LARP7: variants seen among roughly 807,000 people sequenced by gnomAD.
The protein encoded by LARP7 is La ribonucleoprotein 7, transcriptional regulator.
LARP7 carries 52 observed loss-of-function variants against 69.3 expected under a neutral mutation model. The observed-to-expected ratio is 0.75, with a 90% confidence interval of 0.60 to 0.95. LARP7 has a LOEUF of 0.95. Among genes scored for constraint, LARP7 ranks in the 40% least tolerant of loss-of-function variants. LARP7 has a pLI of 0.00. For synonymous variants in LARP7, 254 were observed against 215.9 expected (o/e 1.18, Z -1.55); for missense variants, 733 against 673.0 (o/e 1.09, Z -0.99).
intron 10 of LARP7, 75 bp downstream of exon 10, chr4:112,650,657 A>G: frequency 9.8e-6 from 14 of 1,430,354 alleles, no homozygotes; most frequent in Non-Finnish European, 1.3e-5. Flanking sequence ...TGTTTTGAAT[A>G]TGGAAGATAA....
chr4:112,644,942 A>AC lies in LARP7; in HGVS notation c.202+71_202+72insC, dbSNP rs1454408813. The AC allele has an allele frequency of 2.1e-5, 5 of 235,876 alleles. No homozygotes were observed. In the East Asian group the frequency reaches 4.2e-4, roughly 20 times the overall value. The allele number at this position is 235,876 out of a possible 1,614,324, so 14.6% of individuals were successfully genotyped here. ...TTTAAATTTACTTATAAAATAATATATTCTTTTTTTTTTTTTTTTTTTGAG... is the reference window on the plus strand; with the variant it reads ...TTTAAATTTACTTATAAAATAATATACTTCTTTTTTTTTTTTTTTTTTTGAG... On this transcript the variant is annotated intron_variant, in intron 2 of 12. Coordinates refer to ENST00000344442, the MANE Select transcript of LARP7 (RefSeq NM_016648.4).
In LARP7 at chr4:112,657,343, A is replaced by G. The variant is rs199719817; in HGVS notation, c.*16A>G. On this transcript the variant is annotated 3_prime_UTR_variant, in exon 13 of 13. Coordinates refer to ENST00000344442, the MANE Select transcript of LARP7 (RefSeq NM_016648.4). The stretch of plus-strand genomic sequence containing the variant: ...ATATGATTGAAAAAAAAAACAGTTC[A>G]CCTCTTAATACTTCACAAGATACTT... 9.8e-5 allele frequency: 132 copies of G among 1,344,068 alleles called. 1 individual carries two copies. The East Asian group carries it at 1.4e-3, about 15-fold the overall frequency. 83.3% of individuals were successfully genotyped at this position (1,344,068 alleles called of 1,614,324 possible). A position where few individuals can be genotyped will look rare whatever the true frequency, so the allele number is the denominator to read the frequency against.
At chr4:112,643,543 G>A (rs971883494) in intron 1 of LARP7, among the ~76,000 whole-genome samples, 8 of 152,130 alleles carry the variant, frequency 5.3e-5, no homozygotes. Context: ...GGATGAGAAG[G>A]CCACTTGAAA....
At chr4:112,640,349 G>A (rs143395749) in intron 1 of LARP7, among the ~76,000 whole-genome samples, 45 of 152,306 alleles carry the variant, frequency 3.0e-4, no homozygotes, top group Middle Eastern at 6.8e-3. Context: ...AGGTACTGAT[G>A]AAGTTAAAGT....
chr4:112,639,396 C>A (rs745477201), intron 1 of LARP7, among the ~76,000 whole-genome samples: 1 of 151,534 alleles, frequency 6.6e-6, no homozygotes, highest in Middle Eastern at 3.4e-3. Flanking sequence ...TTTCTTTTTT[C>A]TTTTTTTGTA....
At position 112,646,361 on chromosome 4, in the gene LARP7, A is replaced by G; in HGVS notation, c.213A>G (p.Ile71Met). The stretch of plus-strand genomic sequence containing the variant: ...TTTCATTTTCTTTAGATGTTGATAT[A>G]TCACTACTTGTGTCTTTTAACAAAA... The part of the protein sequence containing the change: ...IEKSRDGYVD[I>M]SLLVSFNKMK... The change falls in exon 3 of 13, where the codon ATA becomes ATG. Residue 71 changes from isoleucine (I) to methionine (M), a missense_variant. Transcript: ENST00000344442. 1.3e-6 allele frequency: 2 copies of G among 1,482,572 alleles called. No homozygotes were observed. The highest frequency in any genetic ancestry group is 1.2e-5 in the South Asian group (1 of 86,102). The allele number at this position is 1,482,572 out of a possible 1,614,324, so 91.8% of individuals were successfully genotyped here.
At chr4:112,642,149 A>T (rs942004190) in intron 1 of LARP7, among the ~76,000 whole-genome samples, 1 of 152,234 alleles carries the variant, frequency 6.6e-6, no homozygotes, top group Non-Finnish European at 1.5e-5. Context: ...CTGAGAGGTC[A>T]AGTAGACAGT....
intron 1 of LARP7, among the ~76,000 whole-genome samples, chr4:112,638,809 T>C (rs1282642837): frequency 6.6e-6 from 1 of 152,242 alleles, no homozygotes; most frequent in Admixed American, 6.5e-5. Flanking sequence ...TGACTGTGCT[T>C]AAATCTTTAC....
chr4:112,646,818 A>T lies in LARP7; in HGVS notation c.415A>T (p.Ser139Cys). Reference sequence around the variant, plus strand: ...GTTACTTCCCAAAAATGTTAATCACAGCTGGATTGAAAGAGTATTTGGGAA... The same window carrying T: ...GTTACTTCCCAAAAATGTTAATCACTGCTGGATTGAAAGAGTATTTGGGAA... ...VELLPKNVNH[S>C]WIERVFGKCG... Residue 139 changes from serine to cysteine, a missense_variant, in exon 5 of 13, where the codon AGC becomes TGC. Physicochemically the swap from Ser to Cys is moderately radical, Grantham distance 112 (BLOSUM62 -1). Coordinates refer to ENST00000344442, the MANE Select transcript of LARP7 (RefSeq NM_016648.4). 1.9e-6 allele frequency: 3 copies of T among 1,601,474 alleles called. No individual in the cohort carries two copies. Among genetic ancestry groups the T allele is most frequent in the Non-Finnish European group, 2.5e-6 (3 of 1,176,756 alleles).
chr4:112,652,933 TATTTG>T, intron 10 of LARP7, 139 bp from the exon 11 acceptor site: 1 of 452,366 alleles, frequency 2.2e-6, no homozygotes, highest in Non-Finnish European at 3.8e-6. Flanking sequence ...TTACAGGAAA[TATTTG>T]ATACAGGATA....
In LARP7 at chr4:112,647,780, A is replaced by G; in HGVS notation, c.1088A>G (p.His363Arg). Residue 363 changes from histidine to arginine, a missense_variant, in exon 8 of 13, where the codon CAT (histidine) becomes CGT (arginine). Transcript: ENST00000344442. ...ACAAAAAGGAAACATAAGAAAAAAC[A>G]TAAAGAGAGACATAAAATGGGAGAA... ...LKTKRKHKKKHKERHKMGEEV... is the reference protein window; with the variant it reads ...LKTKRKHKKKRKERHKMGEEV... 6.3e-7 allele frequency: 1 copy of G among 1,585,750 alleles called. No homozygotes were observed. The highest frequency in any genetic ancestry group is 8.6e-7 in the Non-Finnish European group (1 of 1,165,454).
intron 7 of LARP7, 32 bp downstream of exon 7, chr4:112,647,581 T>G: frequency 4.7e-6 from 6 of 1,275,810 alleles, no homozygotes; most frequent in Non-Finnish European, 6.4e-6. Context: ...TAGATAAAAC[T>G]AATTAATTTT....
intron 8 of LARP7, among the ~76,000 whole-genome samples, chr4:112,649,293 A>G (rs1208965868): frequency 1.3e-5 from 2 of 152,304 alleles, no homozygotes; most frequent in East Asian, 3.9e-4. Flanking sequence ...AATACTTCAG[A>G]CACTCAAAAA....
chr4:112,639,556 G>C (rs2047877045), intron 1 of LARP7, among the ~76,000 whole-genome samples: 1 of 151,688 alleles, frequency 6.6e-6, no homozygotes, highest in Non-Finnish European at 1.5e-5. Context: ...TTTTAAAACA[G>C]TGTTTTCATA....
chr4:112,650,942 T>G (rs1160957661), intron 10 of LARP7, among the ~76,000 whole-genome samples: 1 of 152,170 alleles, frequency 6.6e-6, no homozygotes, highest in African/African-American at 2.4e-5. Flanking sequence ...CTCTTAAAAT[T>G]TTTCACGCAT....
rs1478786721 is a variant in LARP7, at chr4:112,646,603, A to G, written c.319A>G (p.Thr107Ala). 1 of 1,593,836 alleles carries G rather than the reference A, an allele frequency of 6.3e-7. No individual in the cohort carries two copies. The highest frequency in any genetic ancestry group is 1.7e-5 in the Admixed American group (1 of 58,378). The change falls in exon 4 of 13, where the codon ACC (threonine) becomes GCC (alanine). Residue 107 changes from threonine to alanine, a missense_variant. Transcript: ENST00000344442. ...SAVVELDLEG[T>A]RIRRKKPLGE... ...TATTTTAAAGCTTGATTTGGAAGGC[A>G]CCAGAATCCGGAGGAAAAAACCTCT... is the stretch of plus-strand genomic sequence containing the variant.
Position 112,650,567 on chromosome 4 carries a change from C to G in LARP7, c.1401C>G (p.Gly467=). Residue 467 remains glycine, a synonymous_variant, in exon 10 of 13, where the codon GGC becomes GGG. Coordinates refer to ENST00000344442, the MANE Select transcript of LARP7 (RefSeq NM_016648.4). Reference sequence around the variant, plus strand: ...TCATTAGCACAGAGCCTCTACCTGGCAGGAAACAAGTCCGGGTAATGATTT... The same window carrying G: ...TCATTAGCACAGAGCCTCTACCTGGGAGGAAACAAGTCCGGGTAATGATTT... ...VKIISTEPLP[G]RKQVRDTLAA... is the part of the protein sequence containing the mutation. 2 of 1,613,264 alleles carry G rather than the reference C, an allele frequency of 1.2e-6. No individual in the cohort carries two copies. Among genetic ancestry groups the G allele is most frequent in the East Asian group, 4.5e-5 (2 of 44,846 alleles).
chr4:112,638,487 G>A (rs531528814), intron 1 of LARP7, among the ~76,000 whole-genome samples: 3 of 152,182 alleles, frequency 2.0e-5, no homozygotes, highest in African/African-American at 7.2e-5. Context: ...GTCCAGTAAA[G>A]ATGCAATTAA....
intron 2 of LARP7, 21 bp downstream of exon 2, chr4:112,644,892 G>C: frequency 7.5e-7 from 1 of 1,341,668 alleles, no homozygotes; most frequent in African/African-American, 1.5e-5. Flanking sequence ...TTCAGTAAAG[G>C]AACCAATTTT....
Sources: gnomAD v4.1 joint callset for allele counts (sites outside exome capture counted in the v4.1 genomes callset) on GRCh38, gnomAD v4.1.1 for gene constraint, MANE v1.5 for transcripts, NCBI Gene and HGNC (gene_info 2026-07-23, HGNC 2026-07-21) for gene names.